EXOC6B: variants seen among roughly 807,000 people sequenced by gnomAD.
EXOC6B encodes the protein SEC15 homolog B.
Under a neutral mutation model 113.5 loss-of-function variants are expected in EXOC6B, and 54 were observed. The observed-to-expected ratio is 0.48, with a 90% confidence interval of 0.38 to 0.60. The LOEUF (loss-of-function observed/expected upper bound fraction) is 0.60. Ranked by LOEUF, EXOC6B falls within the 20% of genes least tolerant of loss-of-function variation. The pLI, the probability that EXOC6B is intolerant of heterozygous loss-of-function variation, is 0.00. For synonymous variants in EXOC6B, 357 were observed against 339.0 expected (o/e 1.05, Z -0.58); for missense variants, 797 against 977.5 (o/e 0.82, Z 2.46).
chr2:72,562,073 A>T (rs1703919475), intron 7 of EXOC6B, among the ~76,000 whole-genome samples: 1 of 152,160 alleles, frequency 6.6e-6, no homozygotes, highest in Non-Finnish European at 1.5e-5. Flanking sequence ...GAACACTAGG[A>T]ATGAACACTG....
At chr2:72,433,547 G>A (rs1444603869) in intron 18 of EXOC6B, among the ~76,000 whole-genome samples, 1 of 152,182 alleles carries the variant, frequency 6.6e-6, no homozygotes, top group Non-Finnish European at 1.5e-5. Context: ...AGCATGGAAT[G>A]TGTTTCCATT....
intron 19 of EXOC6B, among the ~76,000 whole-genome samples, chr2:72,340,009 G>T (rs958174381): frequency 6.6e-6 from 1 of 152,016 alleles, no homozygotes; most frequent in African/African-American, 2.4e-5. Context: ...AGTTACCAGA[G>T]GGGAAAAAGG....
intron 6 of EXOC6B, among the ~76,000 whole-genome samples, chr2:72,676,103 T>G (rs1019599525): frequency 3.4e-5 from 5 of 148,932 alleles, no homozygotes; most frequent in Admixed American, 6.7e-5. Flanking sequence ...TCTGAACTAA[T>G]ATGTGTACAA....
At chr2:72,824,250 G>A (rs1686767265) in intron 1 of EXOC6B, among the ~76,000 whole-genome samples, 1 of 151,942 alleles carries the variant, frequency 6.6e-6, no homozygotes, top group Non-Finnish European at 1.5e-5. Flanking sequence ...GCCAGGTGTG[G>A]TGGTGGTGCA....
At chr2:72,586,421 G>A (rs1193430399) in intron 6 of EXOC6B, among the ~76,000 whole-genome samples, 8 of 151,974 alleles carry the variant, frequency 5.3e-5, no homozygotes, top group South Asian at 4.2e-4. Context: ...TTAAAAAGTC[G>A]GCAAAATACA....
chr2:72,358,139 A>G (rs1009367392), intron 19 of EXOC6B, among the ~76,000 whole-genome samples: 1 of 152,122 alleles, frequency 6.6e-6, no homozygotes, highest in African/African-American at 2.4e-5. Flanking sequence ...AACTACATAA[A>G]TATATTTAAT....
At chr2:72,574,285 A>G (rs1003489188) in intron 7 of EXOC6B, among the ~76,000 whole-genome samples, 2 of 152,176 alleles carry the variant, frequency 1.3e-5, no homozygotes, top group African/African-American at 2.4e-5. Context: ...TAATAGAGGC[A>G]GGCATAATGA....
At chr2:72,466,336 C>T (rs1698053808) in intron 17 of EXOC6B, among the ~76,000 whole-genome samples, 1 of 143,238 alleles carries the variant, frequency 7.0e-6, no homozygotes, top group South Asian at 2.2e-4. Context: ...CAGAGCAAGA[C>T]TCCACCTCAA....
intron 6 of EXOC6B, among the ~76,000 whole-genome samples, chr2:72,633,790 T>C (rs1279810791): frequency 6.6e-6 from 1 of 152,170 alleles, no homozygotes; most frequent in Non-Finnish European, 1.5e-5. Context: ...GTCTGTCCCA[T>C]TAAATAACTT....
intron 19 of EXOC6B, among the ~76,000 whole-genome samples, chr2:72,373,480 C>A (rs1484835297): frequency 6.6e-6 from 1 of 152,142 alleles, no homozygotes. Flanking sequence ...AGTGAAGAGA[C>A]AACCCACAGA....
At chr2:72,360,023 T>C (rs1226331338) in intron 19 of EXOC6B, among the ~76,000 whole-genome samples, 1 of 152,202 alleles carries the variant, frequency 6.6e-6, no homozygotes, top group Non-Finnish European at 1.5e-5. Flanking sequence ...GGCACCATGC[T>C]TCTTGTACAG....
At chr2:72,723,865 A>G (rs1262982014) in intron 5 of EXOC6B, among the ~76,000 whole-genome samples, 1 of 152,200 alleles carries the variant, frequency 6.6e-6, no homozygotes, top group Admixed American at 6.5e-5. Context: ...CAGACATTGG[A>G]CATCAGGCAA....
chr2:72,283,844 T>C (rs1685266966), intron 20 of EXOC6B, among the ~76,000 whole-genome samples: 1 of 152,148 alleles, frequency 6.6e-6, no homozygotes, highest in South Asian at 2.1e-4. Flanking sequence ...GGAAGAAATA[T>C]TGTGAACAAC....
intron 8 of EXOC6B, among the ~76,000 whole-genome samples, chr2:72,524,268 T>C (rs1368146011): frequency 6.6e-6 from 1 of 151,952 alleles, no homozygotes; most frequent in Non-Finnish European, 1.5e-5. Context: ...CTTCACCATA[T>C]GGCTAATTTG....
At chr2:72,443,310 G>A (rs762989787) in intron 18 of EXOC6B, among the ~76,000 whole-genome samples, 9 of 137,838 alleles carry the variant, frequency 6.5e-5, no homozygotes, top group African/African-American at 2.0e-4. Context: ...GTGACAGAGC[G>A]AGATTCTGTC....
At chr2:72,402,218 T>C (rs1025701315) in intron 18 of EXOC6B, among the ~76,000 whole-genome samples, 3 of 152,142 alleles carry the variant, frequency 2.0e-5, no homozygotes, top group African/African-American at 7.2e-5. Context: ...TATTCTTGAG[T>C]CAGTTTAGGT....
At chr2:72,751,948 C>G (rs1471940849) in intron 1 of EXOC6B, among the ~76,000 whole-genome samples, 1 of 152,104 alleles carries the variant, frequency 6.6e-6, no homozygotes, top group African/African-American at 2.4e-5. Context: ...TTAGAACTGG[C>G]TGCCTATTTA....
chr2:72,391,942 G>T (rs1692412452), intron 18 of EXOC6B, among the ~76,000 whole-genome samples: 1 of 152,030 alleles, frequency 6.6e-6, no homozygotes, highest in South Asian at 2.1e-4. Flanking sequence ...CACTAATCTT[G>T]AATTCTGCTT....
At chr2:72,585,014 T>A (rs1302847623) in intron 6 of EXOC6B, among the ~76,000 whole-genome samples, 1 of 152,050 alleles carries the variant, frequency 6.6e-6, no homozygotes, top group Non-Finnish European at 1.5e-5. Flanking sequence ...AAAGCAGTGT[T>A]AAGAGGAAAG....
Sources: allele counts gnomAD v4.1 joint callset (sites outside exome capture counted in the v4.1 genomes callset), GRCh38; gene constraint gnomAD v4.1.1; transcripts MANE v1.5; gene names NCBI Gene and HGNC (gene_info 2026-07-23, HGNC 2026-07-21).